TRIP11: variants seen among roughly 807,000 people sequenced by gnomAD.
TRIP11 encodes thyroid receptor-interacting protein 11.
TRIP11 carries 148 observed loss-of-function variants against 223.1 expected under a neutral mutation model. The observed-to-expected ratio is 0.66, with a 90% CI of 0.58 to 0.76. TRIP11 has a LOEUF of 0.76. Among genes scored for constraint, TRIP11 ranks in the 30% least tolerant of loss-of-function variants. TRIP11 has a pLI of 0.00. For synonymous variants in TRIP11, 762 were observed against 772.6 expected (o/e 0.99, Z 0.23); for missense variants, 2,043 against 2,222.0 (o/e 0.92, Z 1.62).
At chr14:92,022,137 G>C (rs889733953) in intron 3 of TRIP11, among the ~76,000 whole-genome samples, 1 of 152,176 alleles carries the variant, frequency 6.6e-6, no homozygotes, top group African/African-American at 2.4e-5. Context: ...GAGTAGTATA[G>C]GCAATTTCTT....
chr14:92,019,794 A>C (rs76543439), intron 4 of TRIP11, among the ~76,000 whole-genome samples: 1,996 of 152,348 alleles, frequency 0.013, 27 homozygotes, highest in African/African-American at 0.045. Flanking sequence ...AAAATTCCAC[A>C]CATAAATATT....
At chr14:92,000,864 CTTT>C (rs528664948) in intron 11 of TRIP11, among the ~76,000 whole-genome samples, 2 of 141,634 alleles carry the variant, frequency 1.4e-5, no homozygotes, top group Non-Finnish European at 1.5e-5. Context: ...CTTTTTTTTT[CTTT>C]TTTTTTTTTT....
intron 15 of TRIP11, among the ~76,000 whole-genome samples, chr14:91,991,547 T>C (rs8017623): frequency 0.013 from 2,012 of 152,248 alleles, 30 homozygotes; most frequent in African/African-American, 0.045. Context: ...CAGAAAACAA[T>C]TAATCATCTA....
chr14:91,988,136 T>A lies in TRIP11; in HGVS notation c.5260+148A>T, dbSNP rs1395420341. On this transcript the variant is annotated intron_variant, in intron 16 of 20. Transcript: ENST00000267622. ...TGGTTTCACTAGGACCATACTTAAATTGAAGCAAGTCAGTCAGGGAAGATA... is the reference window on the plus strand; with the variant it reads ...TGGTTTCACTAGGACCATACTTAAAATGAAGCAAGTCAGTCAGGGAAGATA... 4.5e-6 allele frequency: 3 copies of A among 667,642 alleles called. No homozygotes were observed. In the African/African-American group the frequency reaches 5.5e-5, roughly 12 times the overall value. The allele number at this position is 667,642 out of a possible 1,614,324, so 41.4% of individuals were successfully genotyped here.
intron 2 of TRIP11, among the ~76,000 whole-genome samples, chr14:92,029,534 T>A (rs1317001536): frequency 6.6e-6 from 1 of 152,156 alleles, no homozygotes; most frequent in East Asian, 1.9e-4. Flanking sequence ...GACCTCATGA[T>A]CCGCCCACTT....
chr14:91,994,029 AGAAT>A, intron 14 of TRIP11, 117 bp from the exon 15 acceptor site: 1 of 751,252 alleles, frequency 1.3e-6, no homozygotes, highest in Non-Finnish European at 2.3e-6. Context: ...CAAACAGAAA[AGAAT>A]ATATGCCTTA....
At chr14:92,038,520 C>T (rs192616436) in intron 1 of TRIP11, among the ~76,000 whole-genome samples, 2 of 152,244 alleles carry the variant, frequency 1.3e-5, no homozygotes, top group Admixed American at 1.3e-4. Context: ...ATTCTTCCTT[C>T]CATCTAAATA....
chr14:92,017,815 A>T, intron 4 of TRIP11, 65 bp from the exon 5 acceptor site: 1 of 1,368,466 alleles, frequency 7.3e-7, no homozygotes, highest in Non-Finnish European at 1.0e-6. Flanking sequence ...AAAGTCACAA[A>T]CTAACTTCAT....
At chr14:92,030,489 G>T (rs1403305395) in intron 2 of TRIP11, 1 of 152,132 alleles carries the variant, frequency 6.6e-6, no homozygotes, top group Non-Finnish European at 1.5e-5. Context: ...CCAGGTTCAA[G>T]TGATTCTCCT....
chr14:92,025,256 A>T (rs1412663831), intron 3 of TRIP11, 54 bp downstream of exon 3: 8 of 1,313,038 alleles, frequency 6.1e-6, no homozygotes, highest in African/African-American at 1.4e-5. Context: ...CTCTAAAAAC[A>T]TACCTAAATA....
chr14:92,025,901 G>T (rs2057179853), intron 2 of TRIP11, among the ~76,000 whole-genome samples: 1 of 145,710 alleles, frequency 6.9e-6, no homozygotes, highest in East Asian at 1.9e-4. Context: ...AAAAAGCACT[G>T]ACCATGTTTA....
Position 91,969,787 on chromosome 14 carries a change from C to A in TRIP11, c.5826G>T (p.Gly1942=). 6.2e-7 allele frequency: 1 copy of A among 1,614,112 alleles called. No homozygotes were observed. The highest frequency in any genetic ancestry group is 8.5e-7 in the Non-Finnish European group (1 of 1,180,026). ...LINPAGLGPG[G]PGHLLLKPIS... The stretch of plus-strand genomic sequence containing the variant: ...TGGGTTTCAGAAGAAGATGCCCGGG[C>A]CCACCAGGTCCAAGTCCAGCTGGGT... Residue 1942 remains glycine, a synonymous_variant, in exon 21 of 21, where the codon GGG becomes GGT. Transcript: ENST00000267622.
At position 91,974,669 on chromosome 14, in the gene TRIP11, G is replaced by A. The variant is rs988997472; in HGVS notation, c.5532C>T (p.Pro1844=). The change falls in exon 19 of 21, where the codon CCC becomes CCT. Residue 1844 remains proline, a synonymous_variant. Transcript: ENST00000267622. ...GWLGGGSKSV[P]NTPLRPNQQS... is the part of the protein sequence containing the mutation. ...GCTGATTTGGTCTCAAAGGTGTGTT[G>A]GGAACACTTTTTGATCCTCCTCCAA... 1 of 1,612,532 alleles carries A rather than the reference G, an allele frequency of 6.2e-7. No individual in the cohort carries two copies. The highest frequency in any genetic ancestry group is 8.5e-7 in the Non-Finnish European group (1 of 1,179,942).
intron 1 of TRIP11, among the ~76,000 whole-genome samples, chr14:92,038,586 G>T (rs922427817): frequency 6.6e-6 from 1 of 151,042 alleles, no homozygotes; most frequent in Non-Finnish European, 1.5e-5. Context: ...AATCTTTCCC[G>T]ATTTCTACCA....
At chr14:91,999,492 A>G in intron 12 of TRIP11, 59 bp from the exon 13 acceptor site, 1 of 1,531,640 alleles carries the variant, frequency 6.5e-7, no homozygotes, top group African/African-American at 1.4e-5. Flanking sequence ...GCTACAAACC[A>G]TTTTGTTATC....
chr14:91,999,427 G>T lies in TRIP11; in HGVS notation c.4705C>A (p.Arg1569Ser). The T allele has an allele frequency of 6.2e-7, 1 of 1,613,600 alleles. No individual in the cohort carries two copies. The highest frequency in any genetic ancestry group is 1.1e-5 in the South Asian group (1 of 91,064). The change falls in exon 13 of 21, where the codon CGT (arginine) becomes AGT (serine). Residue 1569 changes from arginine (R) to serine (S), a missense_variant. Coordinates refer to ENST00000267622, the MANE Select transcript of TRIP11 (RefSeq NM_004239.4). The stretch of plus-strand genomic sequence containing the variant: ...GAACGAAATTCTTTGTCACGTAAAC[G>T]TTGAACCTAGGTAGAGGACATTATT... ...ENTALQNEVQRLRDKEFRSNQ... is the reference protein window; with the variant it reads ...ENTALQNEVQSLRDKEFRSNQ...
At chr14:92,003,058 A>T (rs2056848087) in intron 11 of TRIP11, among the ~76,000 whole-genome samples, 1 of 152,164 alleles carries the variant, frequency 6.6e-6, no homozygotes, top group African/African-American at 2.4e-5. Flanking sequence ...TGCTTTCCTT[A>T]TATATAAGAA....
Position 91,967,802 on chromosome 14 carries a change from A to G in TRIP11, c.*1871T>C. The stretch of plus-strand genomic sequence containing the variant: ...ATGAAATTTCAATGGCAAGCAGCAA[A>G]TAATGTAGGATAGTCAGTGAAAGTA... On this transcript the variant is annotated 3_prime_UTR_variant, in exon 21 of 21. Coordinates refer to ENST00000267622, the MANE Select transcript of TRIP11 (RefSeq NM_004239.4). 1.0e-5 allele frequency: 2 copies of G among 195,792 alleles called. 1 individual carries two copies. The highest frequency in any genetic ancestry group is 1.6e-4 in the East Asian group (2 of 12,498). 12.1% of individuals were successfully genotyped at this position (195,792 alleles called of 1,614,324 possible). A position where few individuals can be genotyped will look rare whatever the true frequency, so the allele number is the denominator to read the frequency against.
intron 20 of TRIP11, among the ~76,000 whole-genome samples, chr14:91,970,331 T>C (rs1017762066): frequency 6.6e-6 from 1 of 152,028 alleles, no homozygotes; most frequent in Non-Finnish European, 1.5e-5. Flanking sequence ...GAGAATCACT[T>C]GAACCTAGGA....
Sources: allele counts gnomAD v4.1 joint callset (sites outside exome capture counted in the v4.1 genomes callset), GRCh38; gene constraint gnomAD v4.1.1; transcripts MANE v1.5; gene names NCBI Gene and HGNC (gene_info 2026-07-23, HGNC 2026-07-21).